Variants in PCSK5 observed in about 807,000 individuals in gnomAD.
The protein encoded by PCSK5 is proprotein convertase subtilisin/kexin type 5, also known as prohormone convertase 5.
Under a neutral mutation model 233.2 loss-of-function variants are expected in PCSK5, and 129 were observed. The ratio of observed to expected loss-of-function variants is 0.55; its 90% CI spans 0.48 to 0.64. The LOEUF is 0.64. Among genes scored for constraint, PCSK5 ranks in the 30% least tolerant of loss-of-function variants. PCSK5 has a pLI of 0.00. For synonymous variants in PCSK5, 825 were observed against 879.2 expected, an observed-to-expected ratio of 0.94 and a Z score of 1.09; for missense variants, 2,076 against 2,430.1, an observed-to-expected ratio of 0.85 and a Z score of 3.06.
intron 7 of PCSK5, among the ~76,000 whole-genome samples, chr9:76,088,710 C>T (rs765961946): frequency 6.6e-6 from 1 of 152,138 alleles, no homozygotes; most frequent in Non-Finnish European, 1.5e-5. Context: ...AAGCTCTTAT[C>T]CCATAGATGT....
Position 76,054,620 on chromosome 9 carries a change from A to C in PCSK5, c.633-13335A>C, listed in dbSNP as rs1038168133. Reference sequence around the variant, plus strand: ...CTACTTGAATTACAACCAGTCTTACAAATACCTGACGATTCTTCAAACCTA... The same window carrying C: ...CTACTTGAATTACAACCAGTCTTACCAATACCTGACGATTCTTCAAACCTA... On this transcript the variant is annotated intron_variant, in intron 5 of 37. Transcript: ENST00000674117. Among the ~76,000 whole-genome samples the C allele has an allele frequency of 4.6e-5, 7 of 152,332 alleles. 1 individual carries two copies. In the South Asian group the frequency reaches 1.5e-3, roughly 32 times the overall value.
At chr9:76,039,611 A>C (rs1458968167) in intron 5 of PCSK5, among the ~76,000 whole-genome samples, 1 of 152,232 alleles carries the variant, frequency 6.6e-6, no homozygotes, top group African/African-American at 2.4e-5. Flanking sequence ...AACCTATAAA[A>C]GCATGCCTAT....
chr9:76,173,495 CCTTTTTTTTT>C (rs1823417892), intron 13 of PCSK5, among the ~76,000 whole-genome samples: 2 of 34,582 alleles, frequency 5.8e-5, no homozygotes, highest in Non-Finnish European at 1.2e-4. Flanking sequence ...AGGCACGTTT[CCTTTTTTTTT>C]TTTTTTTTTT....
At chr9:76,096,190 T>TACACACACAC (rs3074177) in intron 8 of PCSK5, 88 bp downstream of exon 8, 16 of 591,572 alleles carry the variant, frequency 2.7e-5, no homozygotes, top group South Asian at 1.9e-4. Context: ...TATATATATA[T>TACACACACAC]ACACACACAC....
At chr9:76,193,398 C>T in intron 20 of PCSK5, 2 of 1,238,006 alleles carry the variant, frequency 1.6e-6, no homozygotes, top group Non-Finnish European at 2.1e-6. Context: ...ATAGATTATT[C>T]CATATTATTA....
At chr9:76,225,842 G>A (rs552835211) in intron 20 of PCSK5, among the ~76,000 whole-genome samples, 1 of 152,132 alleles carries the variant, frequency 6.6e-6, no homozygotes, top group South Asian at 2.1e-4. Flanking sequence ...ACAGAGGCAG[G>A]CGCAGCCTAC....
At chr9:76,027,127 T>G in intron 5 of PCSK5, 90 bp downstream of exon 5, 1 of 773,424 alleles carries the variant, frequency 1.3e-6, no homozygotes. Context: ...TTCAAAATCC[T>G]TGATAACATA....
intron 3 of PCSK5, among the ~76,000 whole-genome samples, chr9:75,993,720 G>T (rs12555900): frequency 6.6e-6 from 1 of 152,130 alleles, no homozygotes; most frequent in Non-Finnish European, 1.5e-5. Context: ...GAAAGAAAAC[G>T]CACATGGGGC....
chr9:76,142,460 T>C (rs967411630), intron 10 of PCSK5, among the ~76,000 whole-genome samples: 1 of 152,118 alleles, frequency 6.6e-6, no homozygotes, highest in Non-Finnish European at 1.5e-5. Context: ...GAATAGCATG[T>C]ACAAAACCTG....
chr9:76,323,322 G>C, intron 32 of PCSK5, 34 bp downstream of exon 32: 1 of 1,269,774 alleles, frequency 7.9e-7, no homozygotes, highest in Non-Finnish European at 1.1e-6. Context: ...TAGGCTCCGG[G>C]GTTTGCATAG....
At chr9:76,041,371 C>T (rs1829108694) in intron 5 of PCSK5, among the ~76,000 whole-genome samples, 1 of 152,136 alleles carries the variant, frequency 6.6e-6, no homozygotes, top group Admixed American at 6.5e-5. Context: ...TAATGACTGA[C>T]AGTGCCCTGG....
At chr9:75,943,694 A>G (rs1824425603) in intron 2 of PCSK5, among the ~76,000 whole-genome samples, 1 of 152,216 alleles carries the variant, frequency 6.6e-6, no homozygotes, top group Non-Finnish European at 1.5e-5. Flanking sequence ...CCTCACTTGA[A>G]GACTTACCAT....
In PCSK5 at chr9:76,190,617, A is replaced by G. The variant is rs75534136; in HGVS notation, c.2626+871A>G. 2.1e-3 allele frequency among the ~76,000 whole-genome samples: 270 copies of G among 131,376 alleles called. 4 individuals carry two copies. The East Asian group carries it at 0.028, about 14-fold the overall frequency. 86.2% of individuals were successfully genotyped at this position (131,376 alleles called of 152,430 possible). A position where few individuals can be genotyped will look rare whatever the true frequency, so the allele number is the denominator to read the frequency against. ...TTCTATAGTTTTTAGCCAATCTCCTATTATTTGGATTGTTTATAATTTTGA... is the reference window on the plus strand; with the variant it reads ...TTCTATAGTTTTTAGCCAATCTCCTGTTATTTGGATTGTTTATAATTTTGA... On this transcript the variant is annotated intron_variant, in intron 20 of 37. Transcript: ENST00000674117.
In PCSK5 at chr9:75,944,056, G is replaced by A. The variant is rs7850154; in HGVS notation, c.297+11573G>A. On this transcript the variant is annotated intron_variant, in intron 2 of 37. Coordinates refer to ENST00000674117, the MANE Select transcript of PCSK5 (RefSeq NM_001372043.1). ...CATGGGCCTTTAGTCCCAGGTACTCGGGAGGCTGAAATGGGAAGACCACTT... is the reference window on the plus strand; with the variant it reads ...CATGGGCCTTTAGTCCCAGGTACTCAGGAGGCTGAAATGGGAAGACCACTT... Among the ~76,000 whole-genome samples, 304 of 152,018 alleles carry A rather than the reference G, an allele frequency of 2.0e-3. 3 individuals carry two copies. The highest frequency in any genetic ancestry group is 6.7e-3 in the African/African-American group (279 of 41,470).
At chr9:76,166,297 T>C (rs1257640381) in intron 12 of PCSK5, among the ~76,000 whole-genome samples, 1 of 152,232 alleles carries the variant, frequency 6.6e-6, no homozygotes, top group Non-Finnish European at 1.5e-5. Context: ...GGTGGAAAAC[T>C]GCTTAGCCAC....
intron 1 of PCSK5, among the ~76,000 whole-genome samples, chr9:75,893,908 G>A (rs183564629): frequency 6.6e-6 from 1 of 152,280 alleles, no homozygotes; most frequent in Admixed American, 6.5e-5. Flanking sequence ...AGTCTTTGGG[G>A]TGGTAAATGG....
intron 34 of PCSK5, 94 bp downstream of exon 34, chr9:76,332,704 T>C: frequency 4.3e-6 from 4 of 937,950 alleles, no homozygotes; most frequent in Non-Finnish European, 4.8e-6. Flanking sequence ...TCAGAACACT[T>C]ATAAAACCAG....
At chr9:76,288,381 G>T (rs538729426) in intron 24 of PCSK5, among the ~76,000 whole-genome samples, 2 of 152,290 alleles carry the variant, frequency 1.3e-5, no homozygotes, top group Admixed American at 1.3e-4. Context: ...AACACAGGGA[G>T]ACCCCATCTT....
intron 24 of PCSK5, among the ~76,000 whole-genome samples, chr9:76,291,688 T>A (rs1828282191): frequency 1.3e-5 from 2 of 152,204 alleles, no homozygotes; most frequent in South Asian, 4.1e-4. Context: ...ATTGAATCAT[T>A]ACTCTTAATG....
Sources: allele counts gnomAD v4.1 joint callset (sites outside exome capture counted in the v4.1 genomes callset), GRCh38; gene constraint gnomAD v4.1.1; transcripts MANE v1.5; gene names NCBI Gene and HGNC (gene_info 2026-07-23, HGNC 2026-07-21).